The following NHSL1 variants were observed in gnomAD, a reference collection of about 807,000 sequenced individuals.
The protein encoded by NHSL1 is NHS like 1.
In NHSL1, 48 loss-of-function variants were observed where a neutral mutation model predicts 95.0. The ratio of observed to expected loss-of-function variants is 0.51; its 90% confidence interval spans 0.40 to 0.64. The LOEUF (loss-of-function observed/expected upper bound fraction) is 0.64, where lower values mean the gene tolerates loss of function less well. Ranked by LOEUF, NHSL1 falls within the 30% of genes least tolerant of loss-of-function variation. The pLI is 0.00. For synonymous variants in NHSL1, 783 were observed against 833.9 expected, an observed-to-expected ratio of 0.94 and a Z score of 1.05; for missense variants, 1,971 against 2,077.7, an observed-to-expected ratio of 0.95 and a Z score of 1.00.
intron 2 of NHSL1, among the ~76,000 whole-genome samples, chr6:138,480,188 A>G (rs1466933699): frequency 6.6e-6 from 1 of 152,166 alleles, no homozygotes; most frequent in Non-Finnish European, 1.5e-5. Flanking sequence ...GAATATCAAA[A>G]TCCATGCATA....
rs534422275 is a variant in NHSL1 at position 138,513,720 on chromosome 6, C to T, written c.17-17349G>A. Reference sequence around the variant, plus strand: ...ATCCTTCGGGTCTCAGATTAATTTGCCATTTCTTCAAGGTCTGAATTGGAC... The same window carrying T: ...ATCCTTCGGGTCTCAGATTAATTTGTCATTTCTTCAAGGTCTGAATTGGAC... On this transcript the variant is annotated intron_variant, in intron 1 of 4. Transcript: ENST00000342260. Among the ~76,000 whole-genome samples the T allele has an allele frequency of 7.9e-5, 12 of 152,262 alleles. No homozygotes were observed. The South Asian group carries it at 1.7e-3, about 21-fold the overall frequency.
intron 1 of NHSL1, among the ~76,000 whole-genome samples, chr6:138,565,279 G>C (rs1783569894): frequency 6.6e-6 from 1 of 152,048 alleles, no homozygotes; most frequent in African/African-American, 2.4e-5. Context: ...AGTAATTTTT[G>C]TATTTTTAGT....
intron 1 of NHSL1, among the ~76,000 whole-genome samples, chr6:138,687,761 T>G (rs150488699): frequency 8.5e-5 from 13 of 152,198 alleles, no homozygotes; most frequent in African/African-American, 2.9e-4. Flanking sequence ...TCCATCTGTA[T>G]GAAATGTCCA....
chr6:138,533,557 A>G (rs555328467), intron 1 of NHSL1, among the ~76,000 whole-genome samples: 1 of 152,350 alleles, frequency 6.6e-6, no homozygotes, highest in Non-Finnish European at 1.5e-5. Context: ...TCAAAAAAAT[A>G]AAAAATAAAT....
intron 3 of NHSL1, among the ~76,000 whole-genome samples, chr6:138,472,670 T>C (rs1057411373): frequency 6.6e-6 from 1 of 152,260 alleles, no homozygotes; most frequent in African/African-American, 2.4e-5. Flanking sequence ...AATCTTCATA[T>C]ATTTTTACTC....
At chr6:138,509,237 G>A (rs1301088947) in intron 1 of NHSL1, among the ~76,000 whole-genome samples, 8 of 152,018 alleles carry the variant, frequency 5.3e-5, no homozygotes, top group Non-Finnish European at 7.4e-5. Flanking sequence ...ACAATGAATC[G>A]AAATTTTATA....
chr6:138,438,613 A>AT (rs1415010955), intron 5 of NHSL1, among the ~76,000 whole-genome samples: 1 of 152,182 alleles, frequency 6.6e-6, no homozygotes, highest in African/African-American at 2.4e-5. Context: ...GATTTATCTG[A>AT]TTTTAAGACA....
At chr6:138,533,903 C>T (rs1193000765) in intron 1 of NHSL1, among the ~76,000 whole-genome samples, 1 of 152,206 alleles carries the variant, frequency 6.6e-6, no homozygotes, top group East Asian at 1.9e-4. Flanking sequence ...TCCTTCCAGT[C>T]ACCACGAAGC....
chr6:138,633,895 G>A (rs1226214837), intron 1 of NHSL1, among the ~76,000 whole-genome samples: 1 of 152,094 alleles, frequency 6.6e-6, no homozygotes, highest in Admixed American at 6.5e-5. Flanking sequence ...AGTATAATAA[G>A]ATATAAATAG....
Position 138,433,411 on chromosome 6 carries a change from A to G in NHSL1, c.934T>C (p.Phe312Leu). The G allele has an allele frequency of 6.4e-7, 1 of 1,552,340 alleles. No individual in the cohort carries two copies. The highest frequency in any genetic ancestry group is 1.2e-5 in the South Asian group (1 of 84,066). The stretch of plus-strand genomic sequence containing the variant: ...GCATCACTGTCAAGGCGGGAAGGGA[A>G]TACGATCCCTGCAGAATCGCTCAGC... ...SVLSDSAGIV[F>L]PSRLDSDAGF... The change falls in exon 6 of 8, where the codon TTC becomes CTC. Residue 312 changes from phenylalanine (F) to leucine (L), a missense_variant. Phe to Leu is a conservative substitution (Grantham distance 22, BLOSUM62 0). Around this residue, in one of 3 missense-constraint regions of NHSL1, gnomAD observed 1,602 missense variants for 1,654.5 expected, o/e 0.97. Transcript: ENST00000343505.
At chr6:138,454,190 C>CGCGCGTGTGTGT (rs144366744) in intron 3 of NHSL1, among the ~76,000 whole-genome samples, 94 of 151,264 alleles carry the variant, frequency 6.2e-4, no homozygotes, top group Non-Finnish European at 4.1e-4. Flanking sequence ...TATATGTGTG[C>CGCGCGTGTGTGT]GTGTGTGTGT....
chr6:138,662,288 AACATT>A (rs1785237548), intron 1 of NHSL1, among the ~76,000 whole-genome samples: 1 of 152,246 alleles, frequency 6.6e-6, no homozygotes, highest in Non-Finnish European at 1.5e-5. Flanking sequence ...GTCATTAAAT[AACATT>A]ACAAGTGTAG....
At chr6:138,466,721 C>T (rs1254015407) in intron 3 of NHSL1, among the ~76,000 whole-genome samples, 1 of 152,144 alleles carries the variant, frequency 6.6e-6, no homozygotes, top group Non-Finnish European at 1.5e-5. Flanking sequence ...CAACGCATTA[C>T]TCTTGCTTGT....
intron 1 of NHSL1, among the ~76,000 whole-genome samples, chr6:138,676,467 T>G (rs1785449817): frequency 6.6e-6 from 1 of 152,194 alleles, no homozygotes; most frequent in Non-Finnish European, 1.5e-5. Flanking sequence ...CTAATATTTA[T>G]TGTTTATTAT....
upstream of NHSL1, among the ~76,000 whole-genome samples, chr6:138,692,933 A>G (rs1320009588): frequency 6.7e-6 from 1 of 149,596 alleles, no homozygotes; most frequent in Admixed American, 6.6e-5. This position sits in a 1 kb window ranked among gnomAD's most constrained non-coding sequence, Gnocchi z 4.0. Flanking sequence ...GGACGGACGG[A>G]CGGACGGGCG....
chr6:138,670,254 T>C (rs7760879), intron 1 of NHSL1, among the ~76,000 whole-genome samples: 4,830 of 151,490 alleles, frequency 0.032, 208 homozygotes, highest in African/African-American at 0.095. Flanking sequence ...TTTGAGTCCC[T>C]CACCCTCTTA....
At chr6:138,480,588 T>C (rs1356862370) in intron 2 of NHSL1, among the ~76,000 whole-genome samples, 3 of 152,224 alleles carry the variant, frequency 2.0e-5, no homozygotes, top group African/African-American at 7.2e-5. Context: ...AAAGCATAAT[T>C]TGTTATTTCT....
chr6:138,473,174 C>T (rs953973143), intron 3 of NHSL1, 132 bp downstream of exon 3: 2 of 820,546 alleles, frequency 2.4e-6, no homozygotes, highest in East Asian at 6.7e-5. Flanking sequence ...TTGTCAAAAC[C>T]AAGAAATTCA....
chr6:138,635,475 T>C (rs542843890), intron 1 of NHSL1, among the ~76,000 whole-genome samples: 43 of 152,104 alleles, frequency 2.8e-4, no homozygotes, highest in Middle Eastern at 3.4e-3. Context: ...AATACCAAGA[T>C]TGAACCATGA....
Sources: gnomAD v4.1 joint callset for allele counts (sites outside exome capture counted in the v4.1 genomes callset) on GRCh38, gnomAD v4.1.1 for gene constraint, gnomAD v4.1.1 regional missense constraint, Gnocchi (gnomAD v3.1) non-coding constraint, MANE v1.5 for transcripts, NCBI Gene and HGNC (gene_info 2026-07-23, HGNC 2026-07-21) for gene names.